LHFPL1: variants seen among roughly 807,000 people sequenced by gnomAD.
LHFPL1 encodes LHFPL tetraspan subfamily member 1 protein.
A neutral mutation model predicts 12.1 loss-of-function variants in LHFPL1; 4 were observed. That is an observed-to-expected ratio of 0.33 (90% CI 0.16 to 0.76). The LOEUF (loss-of-function observed/expected upper bound fraction) is 0.76. Ranked by LOEUF, LHFPL1 falls within the 30% of genes least tolerant of loss-of-function variation. LHFPL1 has a pLI of 0.61. For missense variants in LHFPL1, 141 were observed against 174.1 expected, an observed-to-expected ratio of 0.81 and a Z score of 1.07; for synonymous variants, 52 against 61.9, an observed-to-expected ratio of 0.84 and a Z score of 0.75.
rs943472895 is a variant in LHFPL1, at chrX:112,639,826, G to A, written c.482-8225C>T. Among the ~76,000 whole-genome samples, 3 of 112,114 alleles carry A rather than the reference G, an allele frequency of 2.7e-5. No homozygotes were observed. In the East Asian group the frequency reaches 8.4e-4, roughly 31 times the overall value. On this transcript the variant is annotated intron_variant, in intron 3 of 3. Coordinates refer to ENST00000371968, the MANE Select transcript of LHFPL1 (RefSeq NM_178175.4). The stretch of plus-strand genomic sequence containing the variant: ...TTAGCTGCCTCTGAAAAACACTTCT[G>A]GGTCACCCCGTGTTGCCTTTTATAC...
chrX:112,640,813 CTGTG>C (rs10529066), intron 3 of LHFPL1, among the ~76,000 whole-genome samples: 17,703 of 104,793 alleles, frequency 0.17, 1,866 homozygotes, highest in African/African-American at 0.38. Context: ...TAGATTCCAT[CTGTG>C]TGTGTGTGTG....
intron 3 of LHFPL1, among the ~76,000 whole-genome samples, chrX:112,641,707 G>C (rs746550348): frequency 8.9e-6 from 1 of 111,778 alleles, no homozygotes; most frequent in African/African-American, 3.3e-5. Context: ...CTCCCAACTG[G>C]TCCAACAAGT....
At chrX:112,650,047 G>A (rs953330562) in intron 3 of LHFPL1, among the ~76,000 whole-genome samples, 3 of 110,340 alleles carry the variant, frequency 2.7e-5, no homozygotes, top group Non-Finnish European at 5.7e-5. Flanking sequence ...CTGTCTATAT[G>A]CCATTGGGTA....
intron 3 of LHFPL1, among the ~76,000 whole-genome samples, chrX:112,647,453 T>C (rs985481111): frequency 2.7e-5 from 3 of 111,043 alleles, no homozygotes; most frequent in Non-Finnish European, 5.7e-5. Flanking sequence ...ATCCAGAATC[T>C]ACAAGGAACT....
At chrX:112,660,460 G>A (rs1268056221) in intron 3 of LHFPL1, among the ~76,000 whole-genome samples, 167 bp downstream of exon 3, 3 of 111,983 alleles carry the variant, frequency 2.7e-5, no homozygotes, top group African/African-American at 9.7e-5. Context: ...GTTAAAGAAG[G>A]GGAATTTACA....
chrX:112,675,439 T>C, intron 1 of LHFPL1, among the ~76,000 whole-genome samples: 1 of 111,450 alleles, frequency 9.0e-6, no homozygotes, highest in African/African-American at 3.3e-5. Context: ...TAAATTAAAC[T>C]ACAATACTAT....
chrX:112,637,516 C>A (rs937295322), intron 3 of LHFPL1, among the ~76,000 whole-genome samples: 3 of 111,846 alleles, frequency 2.7e-5, no homozygotes, highest in African/African-American at 9.8e-5. Flanking sequence ...GATAGAGTGG[C>A]TCCCCCATTC....
intron 3 of LHFPL1, among the ~76,000 whole-genome samples, chrX:112,643,792 G>C (rs753206547): frequency 4.5e-5 from 5 of 111,618 alleles, no homozygotes; most frequent in Non-Finnish European, 9.4e-5. Context: ...TAGCAACAGA[G>C]CCACCCTACA....
chrX:112,636,180 C>G, intron 3 of LHFPL1, among the ~76,000 whole-genome samples: 1 of 111,005 alleles, frequency 9.0e-6, no homozygotes, highest in East Asian at 2.8e-4. Context: ...CAGATGTCCC[C>G]CGGTATGAGG....
chrX:112,664,017 C>T (rs762105006), intron 2 of LHFPL1, among the ~76,000 whole-genome samples: 1 of 112,275 alleles, frequency 8.9e-6, no homozygotes, highest in East Asian at 2.8e-4. Context: ...AAAACCTGTG[C>T]ATACTCAAAT....
intron 1 of LHFPL1, among the ~76,000 whole-genome samples, chrX:112,675,427 GTTAAA>G (rs758785864): frequency 9.0e-6 from 1 of 111,349 alleles, no homozygotes; most frequent in East Asian, 2.8e-4. Context: ...AAATGAAGCT[GTTAAA>G]TTAAACTACA....
intron 3 of LHFPL1, among the ~76,000 whole-genome samples, chrX:112,647,186 G>A (rs907898886): frequency 8.9e-6 from 1 of 112,005 alleles, no homozygotes; most frequent in African/African-American, 3.2e-5. Flanking sequence ...CTTAAAAGCA[G>A]CTGTGTCTCA....
At chrX:112,643,378 C>CAAA (rs1164744066) in intron 3 of LHFPL1, among the ~76,000 whole-genome samples, 1,151 of 38,810 alleles carry the variant, frequency 0.03, 41 homozygotes, top group East Asian at 0.13. Flanking sequence ...GACTCCGTCT[C>CAAA]AAAAAAAAAA....
At chrX:112,636,218 A>G (rs1930334756) in intron 3 of LHFPL1, among the ~76,000 whole-genome samples, 1 of 111,129 alleles carries the variant, frequency 9.0e-6, no homozygotes, top group African/African-American at 3.3e-5. Flanking sequence ...GAGAACCACT[A>G]AGTTAGAGGT....
At chrX:112,674,481 G>A (rs1931600153) in intron 1 of LHFPL1, among the ~76,000 whole-genome samples, 1 of 110,247 alleles carries the variant, frequency 9.1e-6, no homozygotes, top group Non-Finnish European at 1.9e-5. Context: ...ACAGCAAAAG[G>A]AACAGTCAGC....
chrX:112,635,476 G>A (rs771299680), intron 3 of LHFPL1, among the ~76,000 whole-genome samples: 12 of 112,454 alleles, frequency 1.1e-4, no homozygotes, highest in Non-Finnish European at 2.3e-4. Context: ...TACAGTCCAA[G>A]TCTTGCGAGA....
At chrX:112,661,434 C>T (rs1017759821) in intron 2 of LHFPL1, among the ~76,000 whole-genome samples, 2 of 111,928 alleles carry the variant, frequency 1.8e-5, no homozygotes, top group Admixed American at 1.9e-4. Context: ...CTAAGGGCAA[C>T]TATGTTGCTC....
intron 1 of LHFPL1, 110 bp from the exon 2 acceptor site, chrX:112,671,514 T>C: frequency 8.5e-7 from 1 of 1,173,442 alleles, no homozygotes; most frequent in Non-Finnish European, 1.1e-6. Context: ...GGCTCAATTA[T>C]GTGCCACTTG....
chrX:112,642,282 G>T (rs1930529844), intron 3 of LHFPL1, among the ~76,000 whole-genome samples: 1 of 103,687 alleles, frequency 9.6e-6, no homozygotes, highest in African/African-American at 3.5e-5. Flanking sequence ...AGGCCGAGCT[G>T]GGCAGCTTAG....
Sources: gnomAD v4.1 joint callset for allele counts (sites outside exome capture counted in the v4.1 genomes callset) on GRCh38, gnomAD v4.1.1 for gene constraint, MANE v1.5 for transcripts, NCBI Gene and HGNC (gene_info 2026-07-23, HGNC 2026-07-21) for gene names.